The following F8 variants were observed in gnomAD, a reference collection of about 807,000 sequenced individuals.
F8 encodes the protein coagulation factor VIII.
In F8, 12 loss-of-function variants were observed where a neutral mutation model predicts 140.6. The observed-to-expected ratio is 0.09, with a 90% CI of 0.05 to 0.14. The LOEUF is 0.14. Among genes scored for constraint, F8 ranks in the 10% least tolerant of loss-of-function variants. The pLI, the probability that F8 is intolerant of heterozygous loss-of-function variation, is 1.00. For synonymous variants in F8, 585 were observed against 614.6 expected, an observed-to-expected ratio of 0.95 and a Z score of 0.71; for missense variants, 1,354 against 1,720.7, an observed-to-expected ratio of 0.79 and a Z score of 3.77.
intron 1 of F8, 100 bp downstream of exon 1, chrX:155,022,310 G>A: frequency 1.1e-6 from 1 of 874,222 alleles, no homozygotes; most frequent in Non-Finnish European, 1.7e-6. Flanking sequence ...GGCCCAGGTA[G>A]CATCACAACC....
chrX:154,864,239 G>A (rs782561385), intron 22 of F8, among the ~76,000 whole-genome samples: 2 of 112,665 alleles, frequency 1.8e-5, no homozygotes, highest in South Asian at 7.3e-4. Context: ...CTTTGACCCA[G>A]CTCCAGGCCC....
Position 154,903,893 on chromosome X carries a change from A to G in F8, c.5998+13T>C. 2 of 1,203,470 alleles carry G rather than the reference A, an allele frequency of 1.7e-6. No homozygotes were observed. The highest frequency in any genetic ancestry group is 1.1e-6 in the Non-Finnish European group (1 of 887,986). ...TAGAGTAGGTAGAAGAAAGAGCACA[A>G]ACAAGCTCATACCTGGATAGAGATT... On this transcript the variant is annotated intron_variant, in intron 18 of 25. Transcript: ENST00000360256.
intron 25 of F8, among the ~76,000 whole-genome samples, chrX:154,850,631 C>T (rs893768818): frequency 9.1e-6 from 1 of 110,328 alleles, no homozygotes; most frequent in South Asian, 3.9e-4. Context: ...AGGCCTCTCT[C>T]GTTGGCTTGT....
chrX:154,838,457 C>T (rs191185060), intron 25 of F8, among the ~76,000 whole-genome samples: 247 of 111,709 alleles, frequency 2.2e-3, no homozygotes, highest in Middle Eastern at 9.2e-3. Flanking sequence ...GAAAGTCCAG[C>T]CAAATGGTGA....
At chrX:154,998,809 CAT>C (rs1219704828) in intron 2 of F8, among the ~76,000 whole-genome samples, 1 of 111,744 alleles carries the variant, frequency 8.9e-6, no homozygotes, top group African/African-American at 3.3e-5. Flanking sequence ...CCTGCTATTC[CAT>C]CAGGAGAAGT....
chrX:155,018,536 C>G (rs911946440), intron 1 of F8, among the ~76,000 whole-genome samples: 3 of 108,954 alleles, frequency 2.8e-5, no homozygotes, highest in Non-Finnish European at 3.8e-5. Context: ...AAGAGCACCA[C>G]CAGCAACAAA....
At chrX:154,945,129 CT>C (rs782023989) in intron 13 of F8, among the ~76,000 whole-genome samples, 22 of 110,213 alleles carry the variant, frequency 2.0e-4, no homozygotes, top group Non-Finnish European at 3.0e-4. Context: ...TGTAACTAAC[CT>C]GCACATTGTG....
At chrX:154,926,011 T>G (rs1557278044) in intron 14 of F8, among the ~76,000 whole-genome samples, 3 of 112,244 alleles carry the variant, frequency 2.7e-5, no homozygotes, top group Non-Finnish European at 5.6e-5. Flanking sequence ...AGGAGGTAAC[T>G]GAATCATGGC....
chrX:155,010,402 G>A (rs188086246), intron 1 of F8, among the ~76,000 whole-genome samples: 2 of 111,555 alleles, frequency 1.8e-5, no homozygotes, highest in African/African-American at 3.3e-5. Flanking sequence ...GAGCAGCTGC[G>A]GGAACAGATA....
intron 1 of F8, among the ~76,000 whole-genome samples, chrX:155,008,507 A>C (rs2073688709): frequency 8.9e-6 from 1 of 111,978 alleles, no homozygotes; most frequent in East Asian, 2.8e-4. Flanking sequence ...GGGCGCGGGC[A>C]GGAGCGTGCA....
At chrX:154,864,753 G>T (rs2072719101) in intron 22 of F8, among the ~76,000 whole-genome samples, 1 of 111,541 alleles carries the variant, frequency 9.0e-6, no homozygotes, top group South Asian at 3.7e-4. Flanking sequence ...TCAGAAGAAA[G>T]AATTTGTAAA....
chrX:154,839,456 G>A (rs2072501878), intron 25 of F8, among the ~76,000 whole-genome samples: 1 of 106,765 alleles, frequency 9.4e-6, no homozygotes, highest in African/African-American at 3.4e-5. Flanking sequence ...TCCGCCTCCC[G>A]GGTTCACGCC....
chrX:154,921,399 G>A (rs782559534), intron 14 of F8, among the ~76,000 whole-genome samples: 11 of 111,773 alleles, frequency 9.8e-5, no homozygotes, highest in Non-Finnish European at 1.5e-4. Flanking sequence ...GAGAGGATGT[G>A]GAGAAATAGG....
intron 25 of F8, among the ~76,000 whole-genome samples, chrX:154,858,625 G>GC (rs1475389448): frequency 2.7e-5 from 3 of 112,200 alleles, no homozygotes; most frequent in Non-Finnish European, 1.9e-5. Context: ...AGTGGCCCAG[G>GC]CTCTTCAGGA....
chrX:155,016,820 T>G (rs2073736485), intron 1 of F8, among the ~76,000 whole-genome samples: 1 of 112,490 alleles, frequency 8.9e-6, no homozygotes, highest in Non-Finnish European at 1.9e-5. Flanking sequence ...GTTATGCAAG[T>G]GTATGCATTT....
chrX:155,005,530 G>C (rs1249207146), intron 1 of F8, among the ~76,000 whole-genome samples: 3 of 111,259 alleles, frequency 2.7e-5, no homozygotes, highest in African/African-American at 9.8e-5. Context: ...TAAAGCAGCA[G>C]GAGTTGTGCT....
intron 3 of F8, among the ~76,000 whole-genome samples, chrX:154,996,060 C>A (rs1264700309): frequency 9.0e-6 from 1 of 111,681 alleles, no homozygotes; most frequent in Non-Finnish European, 1.9e-5. Flanking sequence ...TTATCTCTCC[C>A]TGATGTCAGC....
chrX:154,879,858 T>A (rs1466558305), intron 22 of F8, among the ~76,000 whole-genome samples: 1 of 111,425 alleles, frequency 9.0e-6, no homozygotes, highest in Non-Finnish European at 1.9e-5. Context: ...ACTCTCTGTC[T>A]CTCCTGCTCC....
intron 13 of F8, among the ~76,000 whole-genome samples, chrX:154,939,395 C>T (rs1027006207): frequency 1.2e-4 from 13 of 112,710 alleles, no homozygotes; most frequent in Non-Finnish European, 1.9e-4. Flanking sequence ...GAGGGTCCTA[C>T]GCCCATGGAG....
Sources: allele counts gnomAD v4.1 joint callset (sites outside exome capture counted in the v4.1 genomes callset), GRCh38; gene constraint gnomAD v4.1.1; transcripts MANE v1.5; gene names NCBI Gene and HGNC (gene_info 2026-07-23, HGNC 2026-07-21).